PARN: variants seen among roughly 807,000 people sequenced by gnomAD.
The protein encoded by PARN is poly(A)-specific ribonuclease PARN.
A neutral mutation model predicts 102.8 loss-of-function variants in PARN; 71 were observed. The ratio of observed to expected loss-of-function variants is 0.69; its 90% confidence interval spans 0.57 to 0.84. The LOEUF (loss-of-function observed/expected upper bound fraction) is 0.84. Among genes scored for constraint, PARN ranks in the 40% least tolerant of loss-of-function variants. The pLI, the probability that PARN is intolerant of heterozygous loss-of-function variation, is 0.00. For missense variants in PARN, 782 were observed against 760.9 expected, an observed-to-expected ratio of 1.03 and a Z score of -0.33; for synonymous variants, 261 against 252.9, an observed-to-expected ratio of 1.03 and a Z score of -0.30.
At chr16:14,619,621 T>C (rs950425131) in intron 5 of PARN, among the ~76,000 whole-genome samples, 4 of 151,296 alleles carry the variant, frequency 2.6e-5, no homozygotes, top group Non-Finnish European at 5.9e-5. Flanking sequence ...ATTAGCCAGG[T>C]GTGGTGGTTC....
At chr16:14,470,440 T>TGATGATG (rs1170896033) in intron 22 of PARN, among the ~76,000 whole-genome samples, 5,697 of 98,776 alleles carry the variant, frequency 0.058, 342 homozygotes, top group African/African-American at 0.15. Flanking sequence ...TTTGGATGAT[T>TGATGATG]ATTATTATTA....
intron 8 of PARN, 63 bp from the exon 9 acceptor site, chr16:14,608,382 G>T: frequency 9.7e-7 from 1 of 1,033,562 alleles, no homozygotes; most frequent in Non-Finnish European, 1.4e-6. Context: ...AACTGATCAA[G>T]CATTTGTTGA....
chr16:14,571,604 C>CA (rs11425101), intron 18 of PARN, among the ~76,000 whole-genome samples: 152,131 of 152,272 alleles, frequency 1, 75,997 homozygotes, highest in Middle Eastern at 1. Flanking sequence ...CTATGCAAAC[C>CA]AACAGCCCTC....
chr16:14,599,145 C>T (rs1970726164), intron 12 of PARN, among the ~76,000 whole-genome samples: 1 of 149,840 alleles, frequency 6.7e-6, no homozygotes, highest in Non-Finnish European at 1.5e-5. Flanking sequence ...CGAGCTCCAG[C>T]GATCCTCCCA....
chr16:14,589,852 G>C (rs1470878607), intron 13 of PARN, among the ~76,000 whole-genome samples: 5 of 151,536 alleles, frequency 3.3e-5, no homozygotes, highest in South Asian at 2.1e-4. Context: ...AGGTGACAGA[G>C]TAAGACTCCA....
intron 22 of PARN, among the ~76,000 whole-genome samples, chr16:14,462,491 G>T (rs1962045228): frequency 6.6e-6 from 1 of 151,938 alleles, no homozygotes; most frequent in Non-Finnish European, 1.5e-5. Context: ...CAAAATAAAA[G>T]ACACAAGTCA....
At chr16:14,482,587 A>G in intron 22 of PARN, 51 bp downstream of exon 22, 6 of 1,394,190 alleles carry the variant, frequency 4.3e-6, no homozygotes, top group Non-Finnish European at 5.9e-6. Flanking sequence ...GCAACAAGAA[A>G]AGCCATTGCT....
chr16:14,548,298 C>T (rs974288389), intron 21 of PARN, among the ~76,000 whole-genome samples: 1 of 151,464 alleles, frequency 6.6e-6, no homozygotes, highest in Non-Finnish European at 1.5e-5. Context: ...TACCCTGGGT[C>T]CTTCTTATCA....
At chr16:14,529,550 C>G (rs1265240345) in intron 21 of PARN, among the ~76,000 whole-genome samples, 1 of 152,178 alleles carries the variant, frequency 6.6e-6, no homozygotes. Context: ...TTGAAGCCCA[C>G]TGCGCCCTAT....
At chr16:14,554,692 C>T (rs1487150894) in intron 19 of PARN, among the ~76,000 whole-genome samples, 1 of 151,950 alleles carries the variant, frequency 6.6e-6, no homozygotes, top group African/African-American at 2.4e-5. Flanking sequence ...GATCCTCCCA[C>T]CTCGGTCTCC....
chr16:14,572,187 C>T (rs1002987894), intron 18 of PARN, among the ~76,000 whole-genome samples: 3 of 152,142 alleles, frequency 2.0e-5, no homozygotes, highest in Non-Finnish European at 2.9e-5. Flanking sequence ...TCAGGCAGCA[C>T]CCTCCAGGGA....
intron 21 of PARN, among the ~76,000 whole-genome samples, chr16:14,534,689 T>C (rs1234199779): frequency 1.3e-5 from 2 of 152,016 alleles, no homozygotes; most frequent in Non-Finnish European, 2.9e-5. Context: ...ATAGGAGGAG[T>C]AGCAGCTGCT....
intron 21 of PARN, among the ~76,000 whole-genome samples, chr16:14,531,727 C>G (rs1364047189): frequency 3.3e-5 from 5 of 152,152 alleles, no homozygotes; most frequent in Non-Finnish European, 1.5e-5. Context: ...GGTGCCCCCC[C>G]AGACAACAAC....
intron 6 of PARN, among the ~76,000 whole-genome samples, chr16:14,616,084 A>G (rs1013858308): frequency 1.2e-4 from 18 of 151,920 alleles, no homozygotes; most frequent in Middle Eastern, 3.4e-3. Flanking sequence ...ACCATGGGGG[A>G]AAAAAAACAA....
intron 18 of PARN, among the ~76,000 whole-genome samples, chr16:14,565,294 G>A (rs1968362331): frequency 6.6e-6 from 1 of 151,990 alleles, no homozygotes; most frequent in African/African-American, 2.4e-5. Context: ...CACTCAGGTG[G>A]GGGGAATACA....
At chr16:14,539,604 G>A (rs1465505148) in intron 21 of PARN, among the ~76,000 whole-genome samples, 2 of 152,172 alleles carry the variant, frequency 1.3e-5, no homozygotes, top group African/African-American at 4.8e-5. Flanking sequence ...TGGTGCTTTT[G>A]ATGACTTAAG....
chr16:14,456,320 C>T (rs996158258), intron 22 of PARN, among the ~76,000 whole-genome samples: 30 of 152,036 alleles, frequency 2.0e-4, no homozygotes, highest in African/African-American at 7.0e-4. Flanking sequence ...CAGGCATGCA[C>T]TACCACACCT....
chr16:14,558,366 C>G (rs1227054336), intron 18 of PARN: 1 of 152,040 alleles, frequency 6.6e-6, no homozygotes, highest in Non-Finnish European at 1.5e-5. Flanking sequence ...GGTATGGTGG[C>G]GAGCACCTGT....
rs1267652772 is a variant in PARN at position 14,441,265 on chromosome 16, C to T, written c.1865-4493G>A. On this transcript the variant is annotated intron_variant, in intron 23 of 23. Transcript: ENST00000437198. Reference sequence around the variant, plus strand: ...TATTTTTCTGCATTTTCCAAATTCTCATGCTGAGTACATTATTTTTATTAA... The same window carrying T: ...TATTTTTCTGCATTTTCCAAATTCTTATGCTGAGTACATTATTTTTATTAA... Among the ~76,000 whole-genome samples the T allele has an allele frequency of 2.0e-5, 3 of 152,174 alleles. No individual in the cohort carries two copies. In the East Asian group the frequency reaches 5.8e-4, roughly 29 times the overall value.
Sources: gnomAD v4.1 joint callset for allele counts (sites outside exome capture counted in the v4.1 genomes callset) on GRCh38, gnomAD v4.1.1 for gene constraint, MANE v1.5 for transcripts, NCBI Gene and HGNC (gene_info 2026-07-23, HGNC 2026-07-21) for gene names.